Variants in EHBP1 observed in about 807,000 individuals in gnomAD.
The protein encoded by EHBP1 is EH domain binding protein 1.
A neutral mutation model predicts 144.0 loss-of-function variants in EHBP1; 55 were observed. The observed-to-expected ratio is 0.38, with a 90% CI of 0.31 to 0.48. The LOEUF (loss-of-function observed/expected upper bound fraction) is 0.48, where lower values mean the gene tolerates loss of function less well. Among genes scored for constraint, EHBP1 ranks in the 20% least tolerant of loss-of-function variants. The pLI is 0.98. For missense variants in EHBP1, 1,200 were observed against 1,364.2 expected, an observed-to-expected ratio of 0.88 and a Z score of 1.90; for synonymous variants, 469 against 472.7, an observed-to-expected ratio of 0.99 and a Z score of 0.10.
chr2:62,928,735 A>G (rs562831247), intron 10 of EHBP1, among the ~76,000 whole-genome samples: 2 of 152,162 alleles, frequency 1.3e-5, no homozygotes, highest in East Asian at 3.9e-4. Context: ...GCAGAGATAA[A>G]CAAAATGGAG....
In EHBP1 at chr2:62,729,190, A is replaced by C. The variant is rs368608455; in HGVS notation, c.105-18205A>C. On this transcript the variant is annotated intron_variant, in intron 2 of 22. Transcript: ENST00000431489. The stretch of plus-strand genomic sequence containing the variant: ...ATATCAGTTCATAGAGTTTGTCCTT[A>C]TTCTTTTTTTTTTTCCTCAACAGCT... 4.1e-5 allele frequency among the ~76,000 whole-genome samples: 6 copies of C among 146,768 alleles called. No individual in the cohort carries two copies. The East Asian group carries it at 9.8e-4, about 24-fold the overall frequency.
At chr2:62,718,442 T>C (rs767668805) in intron 2 of EHBP1, among the ~76,000 whole-genome samples, 1 of 152,240 alleles carries the variant, frequency 6.6e-6, no homozygotes, top group South Asian at 2.1e-4. Flanking sequence ...AGTGCAAATA[T>C]GGAACATGTT....
At chr2:62,804,791 C>T (rs113656341) in intron 5 of EHBP1, among the ~76,000 whole-genome samples, 3,292 of 152,238 alleles carry the variant, frequency 0.022, 85 homozygotes, top group African/African-American at 0.066. Flanking sequence ...CTTTAACTCC[C>T]GAGCTTTGCC....
At chr2:62,935,777 T>G (rs563859590) in intron 10 of EHBP1, among the ~76,000 whole-genome samples, 5 of 152,232 alleles carry the variant, frequency 3.3e-5, no homozygotes, top group Non-Finnish European at 7.3e-5. Context: ...CTTGCAATAT[T>G]TGCTGGGGCC....
chr2:62,879,372 T>C (rs2051168054), intron 10 of EHBP1, among the ~76,000 whole-genome samples: 1 of 152,118 alleles, frequency 6.6e-6, no homozygotes, highest in Non-Finnish European at 1.5e-5. Flanking sequence ...CATGATCTTG[T>C]ATTGAGAAAA....
chr2:62,760,913 G>A (rs1424154877), intron 3 of EHBP1, among the ~76,000 whole-genome samples: 1 of 152,130 alleles, frequency 6.6e-6, no homozygotes, highest in South Asian at 2.1e-4. Context: ...TTTTCATTGA[G>A]AATTTAATAG....
intron 2 of EHBP1, among the ~76,000 whole-genome samples, chr2:62,722,714 C>T (rs2036357035): frequency 6.6e-6 from 1 of 152,088 alleles, no homozygotes; most frequent in Non-Finnish European, 1.5e-5. Flanking sequence ...GTCAATTCAC[C>T]TTGACACTTT....
At chr2:62,769,248 T>C (rs2041440532) in intron 4 of EHBP1, among the ~76,000 whole-genome samples, 1 of 152,078 alleles carries the variant, frequency 6.6e-6, no homozygotes, top group South Asian at 2.1e-4. Flanking sequence ...ATGATCCTAA[T>C]CTAAAATACC....
chr2:62,863,710 A>G (rs2049792321), intron 8 of EHBP1, among the ~76,000 whole-genome samples: 1 of 152,076 alleles, frequency 6.6e-6, no homozygotes, highest in African/African-American at 2.4e-5. Flanking sequence ...TATACGACAC[A>G]GGACAGAATG....
chr2:62,685,674 A>G (rs1283816389), intron 1 of EHBP1, among the ~76,000 whole-genome samples: 1 of 152,040 alleles, frequency 6.6e-6, no homozygotes, highest in Non-Finnish European at 1.5e-5. Flanking sequence ...GCACAATTCA[A>G]CCCACATCAG....
intron 4 of EHBP1, among the ~76,000 whole-genome samples, chr2:62,764,978 G>T (rs1213401163): frequency 1.3e-5 from 2 of 151,952 alleles, no homozygotes; most frequent in African/African-American, 4.8e-5. Flanking sequence ...GAAAATAGCT[G>T]TTTCCAGTAA....
chr2:62,850,695 T>C (rs1194798640), intron 7 of EHBP1, among the ~76,000 whole-genome samples: 1 of 152,136 alleles, frequency 6.6e-6, no homozygotes, highest in Non-Finnish European at 1.5e-5. Context: ...ATAAATATAT[T>C]GGGTTGGGTA....
At chr2:62,787,182 A>G (rs2042865492) in intron 5 of EHBP1, among the ~76,000 whole-genome samples, 1 of 152,204 alleles carries the variant, frequency 6.6e-6, no homozygotes, top group Non-Finnish European at 1.5e-5. Flanking sequence ...GATAAAGTTT[A>G]GTTCCCAGTT....
chr2:62,924,091 C>CTAA (rs2055310787), intron 10 of EHBP1, among the ~76,000 whole-genome samples: 1 of 152,146 alleles, frequency 6.6e-6, no homozygotes, highest in Non-Finnish European at 1.5e-5. Context: ...GCAAACATGC[C>CTAA]TTTAGGCCAG....
intron 14 of EHBP1, among the ~76,000 whole-genome samples, chr2:62,973,226 A>G (rs1484008730): frequency 6.6e-6 from 1 of 152,232 alleles, no homozygotes; most frequent in Non-Finnish European, 1.5e-5. Context: ...TTAACTCAGT[A>G]AAAATGACCC....
At chr2:62,843,849 G>C (rs2048101334) in intron 7 of EHBP1, among the ~76,000 whole-genome samples, 1 of 152,058 alleles carries the variant, frequency 6.6e-6, no homozygotes, top group African/African-American at 2.4e-5. Context: ...ATAAAGTATG[G>C]TAAGTATTTT....
chr2:62,865,030 C>T, intron 9 of EHBP1, 59 bp downstream of exon 9: 1 of 1,559,304 alleles, frequency 6.4e-7, no homozygotes. Flanking sequence ...CTAAAGAGAT[C>T]CTTTTGTAAT....
intron 19 of EHBP1, among the ~76,000 whole-genome samples, chr2:63,019,835 GGAAGGAAGGAA>G (rs1559074884): frequency 0.039 from 2,479 of 63,828 alleles, 141 homozygotes; most frequent in South Asian, 0.069. Flanking sequence ...GGGGAGGGAA[GGAAGGAAGGAA>G]GGAAGGAAGG....
chr2:62,779,581 G>A (rs1378149439), intron 5 of EHBP1, among the ~76,000 whole-genome samples: 2 of 152,176 alleles, frequency 1.3e-5, no homozygotes, highest in Non-Finnish European at 2.9e-5. Context: ...ATAAATCAAA[G>A]ATCCCTGTAT....
Sources: allele counts gnomAD v4.1 joint callset (sites outside exome capture counted in the v4.1 genomes callset), GRCh38; gene constraint gnomAD v4.1.1; transcripts MANE v1.5; gene names NCBI Gene and HGNC (gene_info 2026-07-23, HGNC 2026-07-21).